Variants in DCP1B observed in about 807,000 individuals in gnomAD.
DCP1B encodes the protein decapping mRNA 1B, also known as mRNA-decapping enzyme 1B.
Under a neutral mutation model 60.5 loss-of-function variants are expected in DCP1B, and 47 were observed. That is an observed-to-expected ratio of 0.78 (90% CI 0.61 to 0.99). The LOEUF (loss-of-function observed/expected upper bound fraction) is 0.99, where lower values mean the gene tolerates loss of function less well. Ranked by LOEUF, DCP1B falls within the 50% of genes least tolerant of loss-of-function variation. The pLI is 0.00. For missense variants in DCP1B, 725 were observed against 756.8 expected, an observed-to-expected ratio of 0.96 and a Z score of 0.49; for synonymous variants, 267 against 280.3, an observed-to-expected ratio of 0.95 and a Z score of 0.47.
intron 5 of DCP1B, among the ~76,000 whole-genome samples, chr12:1,960,023 C>T (rs545052717): frequency 1.3e-4 from 19 of 151,860 alleles, no homozygotes; most frequent in Middle Eastern, 3.4e-3. Flanking sequence ...ACCACATGAT[C>T]GAAGAATCCC....
At chr12:1,959,959 C>CCAAAAA (rs2031063212) in intron 5 of DCP1B, among the ~76,000 whole-genome samples, 1 of 125,694 alleles carries the variant, frequency 8.0e-6, no homozygotes, top group Non-Finnish European at 1.7e-5. Flanking sequence ...GACTCCGTCT[C>CCAAAAA]AAAAAAAAAA....
intron 2 of DCP1B, among the ~76,000 whole-genome samples, chr12:1,996,240 C>T (rs1056898989): frequency 3.3e-5 from 5 of 152,186 alleles, no homozygotes; most frequent in Non-Finnish European, 5.9e-5. Flanking sequence ...CTCTATTACT[C>T]TCCTGTTCAT....
downstream of DCP1B, among the ~76,000 whole-genome samples, chr12:1,944,369 T>C (rs566936349): frequency 6.6e-6 from 1 of 152,200 alleles, no homozygotes; most frequent in Non-Finnish European, 1.5e-5. Context: ...CAAAGTAATT[T>C]ATAGATTCAA....
chr12:1,949,881 T>A (rs2030598078), intron 7 of DCP1B, among the ~76,000 whole-genome samples: 1 of 152,220 alleles, frequency 6.6e-6, no homozygotes. Flanking sequence ...AGAGCCCTCA[T>A]CTTCAGCTTC....
rs766475919 is a variant in DCP1B at position 1,993,097 on chromosome 12, T to C, written c.319+167A>G. ...TTAAACTCTTCCAAGGAAGAATCTA[T>C]TCCATCATTAGGGCATGCATTTCCT... On this transcript the variant is annotated intron_variant, in intron 3 of 8. Transcript: ENST00000280665. 1.3e-4 allele frequency: 115 copies of C among 875,594 alleles called. No homozygotes were observed. In the Admixed American group the frequency reaches 1.9e-3, roughly 14 times the overall value. The allele number at this position is 875,594 out of a possible 1,614,324, so 54.2% of individuals were successfully genotyped here.
downstream of DCP1B, chr12:1,945,947 G>A (rs576196862): frequency 4.2e-6 from 1 of 240,120 alleles, no homozygotes; most frequent in African/African-American, 2.3e-5. Flanking sequence ...TGGGTTGATG[G>A]GTGCAGCAAA....
chr12:1,946,193 A>G lies in DCP1B; in HGVS notation c.*13T>C. 3 of 1,569,152 alleles carry G rather than the reference A, an allele frequency of 1.9e-6. No individual in the cohort carries two copies. Among genetic ancestry groups the G allele is most frequent in the Non-Finnish European group, 2.6e-6 (3 of 1,159,980 alleles). On this transcript the variant is annotated 3_prime_UTR_variant, in exon 9 of 9. Transcript: ENST00000280665. ...AGAAGGACCTTGAAAATCAGTTTTAAAAGGCCTTGCTGTCACATAGTCTTT... is the reference window on the plus strand; with the variant it reads ...AGAAGGACCTTGAAAATCAGTTTTAGAAGGCCTTGCTGTCACATAGTCTTT...
chr12:1,981,580 C>A (rs1228341604), intron 3 of DCP1B, among the ~76,000 whole-genome samples: 1 of 152,160 alleles, frequency 6.6e-6, no homozygotes, highest in Non-Finnish European at 1.5e-5. Context: ...TATATGTTTA[C>A]ATGTCTGTCT....
Position 1,955,459 on chromosome 12 carries a change from C to G in DCP1B, c.624G>C (p.Gln208His), listed in dbSNP as rs1214293956. 1.2e-6 allele frequency: 2 copies of G among 1,613,736 alleles called. No individual in the cohort carries two copies. The highest frequency in any genetic ancestry group is 1.7e-6 in the Non-Finnish European group (2 of 1,179,758). Residue 208 changes from glutamine to histidine, a missense_variant, in exon 6 of 9, where the codon CAG becomes CAC. Gln to His is a conservative substitution (Grantham distance 24). Coordinates refer to ENST00000280665, the MANE Select transcript of DCP1B (RefSeq NM_152640.5). ...KPIPVKPSENQQQRIPQPNQT... is the reference protein window; with the variant it reads ...KPIPVKPSENHQQRIPQPNQT... The stretch of plus-strand genomic sequence containing the variant: ...GGTTGGGCTGAGGTATACGCTGTTG[C>G]TGGTTTTCACTGGGTTTCACTGGAA...
chr12:1,957,086 G>T (rs1337590345), intron 5 of DCP1B, among the ~76,000 whole-genome samples: 2 of 152,192 alleles, frequency 1.3e-5, no homozygotes, highest in Non-Finnish European at 2.9e-5. Context: ...TTATCAGAGT[G>T]CTCAGAATTA....
intron 3 of DCP1B, among the ~76,000 whole-genome samples, chr12:1,976,131 C>A (rs1391444281): frequency 5.3e-5 from 8 of 152,178 alleles, no homozygotes; most frequent in Admixed American, 5.2e-4. Context: ...CCCTTCCTTT[C>A]AGCCTAAGTG....
At chr12:1,957,866 CAT>C (rs2030942645) in intron 5 of DCP1B, among the ~76,000 whole-genome samples, 1 of 152,252 alleles carries the variant, frequency 6.6e-6, no homozygotes, top group African/African-American at 2.4e-5. Context: ...TTACCCATAT[CAT>C]ATATACTGAT....
chr12:1,981,906 T>C (rs866540698), intron 3 of DCP1B, among the ~76,000 whole-genome samples: 9 of 152,230 alleles, frequency 5.9e-5, no homozygotes, highest in African/African-American at 2.2e-4. Flanking sequence ...GGTAAGAGTG[T>C]TCTGGGAAAG....
intron 1 of DCP1B, among the ~76,000 whole-genome samples, chr12:2,002,850 G>A (rs575602511): frequency 6.6e-6 from 1 of 152,240 alleles, no homozygotes; most frequent in East Asian, 1.9e-4. Flanking sequence ...GGAGGAAACT[G>A]TCTATGTTGC....
At chr12:2,003,089 C>T (rs750682253) in intron 1 of DCP1B, among the ~76,000 whole-genome samples, 2 of 152,164 alleles carry the variant, frequency 1.3e-5, no homozygotes, top group Non-Finnish European at 2.9e-5. Flanking sequence ...TTGCCCCATT[C>T]CGGCAAATTT....
At chr12:2,001,808 A>G (rs1017717414) in intron 1 of DCP1B, among the ~76,000 whole-genome samples, 1 of 152,206 alleles carries the variant, frequency 6.6e-6, no homozygotes, top group Non-Finnish European at 1.5e-5. Flanking sequence ...TTTCAGGCTC[A>G]GCATTCCCTG....
At chr12:1,996,766 A>C (rs2041028163) in intron 2 of DCP1B, among the ~76,000 whole-genome samples, 1 of 152,052 alleles carries the variant, frequency 6.6e-6, no homozygotes, top group East Asian at 1.9e-4. Context: ...AGCTTGCGAT[A>C]AAGCCTTCCA....
Position 1,965,697 on chromosome 12 carries a change from G to C in DCP1B, c.387-4C>G. Reference sequence around the variant, plus strand: ...CAACTGTTCATACTGAGTTAGGCTAGAAAAACAGAGGGGAAAATCCACACA... The same window carrying C: ...CAACTGTTCATACTGAGTTAGGCTACAAAAACAGAGGGGAAAATCCACACA... On this transcript the variant is annotated splice_polypyrimidine_tract_variant and splice_region_variant and intron_variant, in intron 4 of 8. Coordinates refer to ENST00000280665, the MANE Select transcript of DCP1B (RefSeq NM_152640.5). 2 of 1,597,516 alleles carry C rather than the reference G, an allele frequency of 1.3e-6. No individual in the cohort carries two copies. Among genetic ancestry groups the C allele is most frequent in the Non-Finnish European group, 1.7e-6 (2 of 1,174,620 alleles).
intron 2 of DCP1B, among the ~76,000 whole-genome samples, chr12:1,995,791 CT>C (rs1224770250): frequency 6.6e-6 from 1 of 152,214 alleles, no homozygotes; most frequent in African/African-American, 2.4e-5. Flanking sequence ...ATCGGTTCCT[CT>C]TTATACTCAC....
Sources: allele counts gnomAD v4.1 joint callset (sites outside exome capture counted in the v4.1 genomes callset), GRCh38; gene constraint gnomAD v4.1.1; transcripts MANE v1.5; gene names NCBI Gene and HGNC (gene_info 2026-07-23, HGNC 2026-07-21).